Variants in CNTN5 observed in about 807,000 individuals in gnomAD.
CNTN5 encodes contactin 5, also known as contactin-5.
In CNTN5, 77 loss-of-function variants were observed where a neutral mutation model predicts 129.1. That is an observed-to-expected ratio of 0.60 (90% CI 0.50 to 0.72). The LOEUF is 0.72. Among genes scored for constraint, CNTN5 ranks in the 30% least tolerant of loss-of-function variants. The probability of loss-of-function intolerance (pLI) is 0.00; values close to 1 mark genes in which losing one functional copy is unlikely to be tolerated. For synonymous variants in CNTN5, 509 were observed against 465.6 expected, an observed-to-expected ratio of 1.09 and a Z score of -1.20; for missense variants, 1,478 against 1,328.8, an observed-to-expected ratio of 1.11 and a Z score of -1.75.
chr11:100,294,799 A>G (rs1040841891), intron 18 of CNTN5, among the ~76,000 whole-genome samples: 3 of 151,658 alleles, frequency 2.0e-5, no homozygotes, highest in Non-Finnish European at 4.4e-5. Flanking sequence ...AAATCCCTTC[A>G]GATCAGGAAT....
At chr11:99,893,831 A>G (rs1008782304) in intron 6 of CNTN5, among the ~76,000 whole-genome samples, 8 of 152,148 alleles carry the variant, frequency 5.3e-5, no homozygotes, top group African/African-American at 1.9e-4. Flanking sequence ...GCATATTTAT[A>G]TATTTTGTCA....
At chr11:99,538,151 G>T (rs1947968076) in intron 2 of CNTN5, among the ~76,000 whole-genome samples, 1 of 152,118 alleles carries the variant, frequency 6.6e-6, no homozygotes, top group African/African-American at 2.4e-5. Context: ...TTTAAAATAT[G>T]CAGTGTTCAA....
chr11:99,662,476 G>T (rs1381817804), intron 3 of CNTN5, among the ~76,000 whole-genome samples: 4 of 151,374 alleles, frequency 2.6e-5, no homozygotes, highest in East Asian at 1.9e-4. Flanking sequence ...CATTTAAAAC[G>T]TAACAATGGT....
At chr11:99,361,724 G>A (rs1939124350) in intron 2 of CNTN5, among the ~76,000 whole-genome samples, 1 of 151,924 alleles carries the variant, frequency 6.6e-6, no homozygotes, top group African/African-American at 2.4e-5. Flanking sequence ...CATATAAGTG[G>A]AATCATACAC....
chr11:99,663,478 GAAACA>G (rs1449128884), intron 3 of CNTN5, among the ~76,000 whole-genome samples: 1 of 151,980 alleles, frequency 6.6e-6, no homozygotes, highest in Non-Finnish European at 1.5e-5. Context: ...AAAAAACAAT[GAAACA>G]AAACAAAAAA....
At chr11:99,728,914 G>T (rs1321521337) in intron 3 of CNTN5, among the ~76,000 whole-genome samples, 1 of 152,136 alleles carries the variant, frequency 6.6e-6, no homozygotes, top group Non-Finnish European at 1.5e-5. Context: ...GGAGCATCCA[G>T]GTATGTTGTA....
intron 3 of CNTN5, among the ~76,000 whole-genome samples, chr11:99,710,450 T>C (rs760823704): frequency 1.1e-4 from 17 of 151,888 alleles, no homozygotes; most frequent in Non-Finnish European, 2.5e-4. Context: ...GTCGTTCCTG[T>C]TGTTGCATCT....
intron 4 of CNTN5, among the ~76,000 whole-genome samples, chr11:99,826,014 T>C (rs183215662): frequency 2.6e-5 from 4 of 152,300 alleles, no homozygotes; most frequent in East Asian, 3.9e-4. Flanking sequence ...TTTTGTGTTA[T>C]ATATGCTTAC....
intron 2 of CNTN5, among the ~76,000 whole-genome samples, chr11:99,537,523 G>A (rs10790784): frequency 0.25 from 37,656 of 151,780 alleles, 5,113 homozygotes; most frequent in Non-Finnish European, 0.31. Flanking sequence ...ACCAAGCAGG[G>A]TGTTCTTATA....
chr11:99,173,086 A>C (rs774983320), intron 1 of CNTN5, among the ~76,000 whole-genome samples: 50 of 152,266 alleles, frequency 3.3e-4, no homozygotes, highest in African/African-American at 1.1e-3. Flanking sequence ...TGTGAGACCC[A>C]CTCACTGTCA....
chr11:99,784,902 C>A (rs1019371462), intron 3 of CNTN5, among the ~76,000 whole-genome samples: 16 of 150,856 alleles, frequency 1.1e-4, no homozygotes, highest in African/African-American at 3.9e-4. Flanking sequence ...CAGGTTCACG[C>A]CATTCTTCTG....
At chr11:99,219,728 A>C (rs554933924) in intron 1 of CNTN5, among the ~76,000 whole-genome samples, 1 of 151,974 alleles carries the variant, frequency 6.6e-6, no homozygotes, top group Admixed American at 6.6e-5. Flanking sequence ...TTAGATTTTA[A>C]AGAATTTCAC....
At chr11:99,630,518 T>A (rs1175369188) in intron 3 of CNTN5, among the ~76,000 whole-genome samples, 4 of 151,764 alleles carry the variant, frequency 2.6e-5, no homozygotes, top group Admixed American at 2.6e-4. Context: ...ATAGCAACTA[T>A]CATGCCTCAC....
chr11:99,779,958 G>A (rs115297665), intron 3 of CNTN5, among the ~76,000 whole-genome samples: 29 of 152,000 alleles, frequency 1.9e-4, no homozygotes, highest in African/African-American at 4.3e-4. Flanking sequence ...GTTCCATGGC[G>A]CAATGATCCT....
At chr11:99,846,129 GACACACACAC>G (rs10650307) in intron 6 of CNTN5, among the ~76,000 whole-genome samples, 44 of 144,720 alleles carry the variant, frequency 3.0e-4, no homozygotes, top group Non-Finnish European at 4.8e-4. Context: ...TACGGACATA[GACACACACAC>G]ACACACACAC....
chr11:99,920,704 A>G (rs1383768581), intron 7 of CNTN5, among the ~76,000 whole-genome samples: 1 of 152,152 alleles, frequency 6.6e-6, no homozygotes, highest in Non-Finnish European at 1.5e-5. Context: ...CTGTGTACTC[A>G]CATGGTGGAA....
At chr11:99,795,548 C>G (rs966693205) in intron 3 of CNTN5, among the ~76,000 whole-genome samples, 44 of 149,942 alleles carry the variant, frequency 2.9e-4, no homozygotes, top group African/African-American at 1.0e-3. Context: ...TCTATGTGAG[C>G]TAATGTTCTT....
Position 99,438,477 on chromosome 11 carries a change from A to G in CNTN5, c.-71+112993A>G, listed in dbSNP as rs974508975. Reference sequence around the variant, plus strand: ...TTACACAATTTTAGGTCACCTAAAAATATCTTTCTGCCTTCTTTATTTTCC... The same window carrying G: ...TTACACAATTTTAGGTCACCTAAAAGTATCTTTCTGCCTTCTTTATTTTCC... On this transcript the variant is annotated intron_variant, in intron 2 of 24. Coordinates refer to ENST00000524871, the MANE Select transcript of CNTN5 (RefSeq NM_014361.4). Among the ~76,000 whole-genome samples the G allele has an allele frequency of 2.6e-5, 4 of 152,262 alleles. No individual in the cohort carries two copies. The East Asian group carries it at 5.8e-4, about 22-fold the overall frequency.
At chr11:99,442,745 C>T (rs1260860181) in intron 2 of CNTN5, among the ~76,000 whole-genome samples, 1 of 152,118 alleles carries the variant, frequency 6.6e-6, no homozygotes, top group Non-Finnish European at 1.5e-5. Context: ...CTTTAAACCT[C>T]TATGGTAAAA....
Sources: gnomAD v4.1 joint callset for allele counts (sites outside exome capture counted in the v4.1 genomes callset) on GRCh38, gnomAD v4.1.1 for gene constraint, MANE v1.5 for transcripts, NCBI Gene and HGNC (gene_info 2026-07-23, HGNC 2026-07-21) for gene names.